NCAM1: variants seen among roughly 807,000 people sequenced by gnomAD.
NCAM1 encodes antigen recognized by monoclonal antibody 5.1H11.
In NCAM1, 14 loss-of-function variants were observed where a neutral mutation model predicts 109.8. The ratio of observed to expected loss-of-function variants is 0.13; its 90% CI spans 0.08 to 0.20. The LOEUF (loss-of-function observed/expected upper bound fraction) is 0.20, where lower values mean the gene tolerates loss of function less well. Among genes scored for constraint, NCAM1 ranks in the 10% least tolerant of loss-of-function variants. NCAM1 has a pLI of 1.00. For missense variants in NCAM1, 774 were observed against 1,109.9 expected (o/e 0.70, Z 4.30); for synonymous variants, 418 against 442.9 (o/e 0.94, Z 0.70).
At position 113,231,639 on chromosome 11, in the gene NCAM1, C is replaced by T. The variant is rs374976317; in HGVS notation, c.1090-6C>T. ...GACATGCTCCCTTCCCCCCCACCCC[C>T]GGCAGACTCTGGATGGGCACATGGT... is the stretch of plus-strand genomic sequence containing the variant. On this transcript the variant is annotated splice_polypyrimidine_tract_variant and splice_region_variant and intron_variant, in intron 9 of 19. Transcript: ENST00000316851. The T allele has an allele frequency of 9.9e-5, 159 of 1,613,214 alleles. No individual in the cohort carries two copies. The highest frequency in any genetic ancestry group is 4.5e-4 in the Admixed American group (27 of 59,990).
Position 113,277,281 on chromosome 11 carries a change from A to AAT in NCAM1, c.*1895_*1896dup. On this transcript the variant is annotated 3_prime_UTR_variant, in exon 20 of 20. Transcript: ENST00000316851. The stretch of plus-strand genomic sequence containing the variant: ...CTGATCAGTGGCGATGCTAGATTAT[A>AAT]ATTTCAAACTGTGAAGAATAATGGT... The AAT allele has an allele frequency of 2.5e-6, 1 of 399,040 alleles. No homozygotes were observed. The highest frequency in any genetic ancestry group is 1.3e-4 in the South Asian group (1 of 7,854). The allele number at this position is 399,040 out of a possible 1,614,324, so 24.7% of individuals were successfully genotyped here. A position where few individuals can be genotyped will look rare whatever the true frequency, so the allele number is the denominator to read the frequency against.
chr11:113,241,703 G>T (rs1945331831), intron 14 of NCAM1, among the ~76,000 whole-genome samples: 2 of 152,190 alleles, frequency 1.3e-5, no homozygotes, highest in South Asian at 4.1e-4. Context: ...TTGGAGTTTT[G>T]AACCTAGCTT....
chr11:113,072,077 G>A (rs1938296568), intron 1 of NCAM1, among the ~76,000 whole-genome samples: 1 of 152,124 alleles, frequency 6.6e-6, no homozygotes, highest in Admixed American at 6.5e-5. Context: ...CCTGAAAGAT[G>A]GAGGTTGCAG....
At chr11:113,082,052 G>A (rs74770206) in intron 1 of NCAM1, among the ~76,000 whole-genome samples, 4 of 152,154 alleles carry the variant, frequency 2.6e-5, no homozygotes, top group Admixed American at 2.0e-4. Context: ...TATGTTTAAT[G>A]TGCTGTTTCG....
rs781804578 is a variant in NCAM1, at chr11:113,270,505, G to C, written c.2339+110G>C. On this transcript the variant is annotated intron_variant, in intron 18 of 19. Coordinates refer to ENST00000316851, the MANE Select transcript of NCAM1 (RefSeq NM_181351.5). ...GCTGGTGCCTTTCCTTTCATTGCAC[G>C]TTCTCCATTTGGAACCCTGATGGGG... 3 of 1,038,040 alleles carry C rather than the reference G, an allele frequency of 2.9e-6. No individual in the cohort carries two copies. In the East Asian group the frequency reaches 7.6e-5, roughly 26 times the overall value. 64.3% of individuals were successfully genotyped at this position (1,038,040 alleles called of 1,614,324 possible). A position where few individuals can be genotyped will look rare whatever the true frequency, so the allele number is the denominator to read the frequency against.
intron 15 of NCAM1, among the ~76,000 whole-genome samples, chr11:113,254,333 C>G (rs1555121909): frequency 6.6e-6 from 1 of 152,164 alleles, no homozygotes; most frequent in Non-Finnish European, 1.5e-5. Flanking sequence ...TCTAAGAAAA[C>G]AAATAATAAG....
intron 1 of NCAM1, among the ~76,000 whole-genome samples, chr11:113,134,337 A>G (rs1276544022): frequency 6.6e-6 from 1 of 152,158 alleles, no homozygotes; most frequent in Non-Finnish European, 1.5e-5. Flanking sequence ...TTAAGTCTGA[A>G]TAATATTTCA....
intron 1 of NCAM1, among the ~76,000 whole-genome samples, chr11:113,086,142 T>C (rs1430988089): frequency 6.6e-6 from 1 of 152,222 alleles, no homozygotes; most frequent in African/African-American, 2.4e-5. Flanking sequence ...AAATCTGTTC[T>C]GTTGGTGGTG....
At chr11:113,143,526 T>G (rs1565461083) in intron 1 of NCAM1, among the ~76,000 whole-genome samples, 1 of 152,248 alleles carries the variant, frequency 6.6e-6, no homozygotes, top group Non-Finnish European at 1.5e-5. Context: ...AGTACTTTGA[T>G]GCTGTTGTAT....
At chr11:113,081,439 G>A (rs1228481484) in intron 1 of NCAM1, among the ~76,000 whole-genome samples, 1 of 152,232 alleles carries the variant, frequency 6.6e-6, no homozygotes, top group African/African-American at 2.4e-5. Flanking sequence ...AACATGCTGG[G>A]CAGAAAGGCA....
rs782389477 is a variant in NCAM1, at chr11:113,262,965, T to C, written c.2131+2642T>C. Reference sequence around the variant, plus strand: ...AAATTAAATTTGCTTAAAAGCCCAGTTCCTATGAAAAAGATCAGTGCCCCC... The same window carrying C: ...AAATTAAATTTGCTTAAAAGCCCAGCTCCTATGAAAAAGATCAGTGCCCCC... On this transcript the variant is annotated intron_variant, in intron 17 of 19. Transcript: ENST00000316851. 28 of 1,597,724 alleles carry C rather than the reference T, an allele frequency of 1.8e-5. No individual in the cohort carries two copies. The African/African-American group carries it at 3.5e-4, about 20-fold the overall frequency.
chr11:113,235,748 T>C (rs1945147960), intron 14 of NCAM1, among the ~76,000 whole-genome samples: 2 of 152,220 alleles, frequency 1.3e-5, no homozygotes, highest in Admixed American at 6.5e-5. Context: ...TCACGGCCTC[T>C]TTCAAGAGAA....
At chr11:112,984,519 T>C (rs547269806) in intron 1 of NCAM1, among the ~76,000 whole-genome samples, 1 of 152,116 alleles carries the variant, frequency 6.6e-6, no homozygotes, top group African/African-American at 2.4e-5. Flanking sequence ...ACCAACAGTG[T>C]ACAAGGGTTC....
At chr11:113,210,588 G>A (rs1000382917) in intron 7 of NCAM1, among the ~76,000 whole-genome samples, 6 of 152,070 alleles carry the variant, frequency 3.9e-5, no homozygotes, top group African/African-American at 9.7e-5. Flanking sequence ...AACAGATCTC[G>A]GCTTCTCTTC....
At chr11:113,038,012 G>T (rs1483458394) in intron 1 of NCAM1, among the ~76,000 whole-genome samples, 1 of 152,182 alleles carries the variant, frequency 6.6e-6, no homozygotes, top group African/African-American at 2.4e-5. Flanking sequence ...CCTGCGGGTG[G>T]GGAGCACCAC....
chr11:113,184,890 T>C (rs1031353260), intron 1 of NCAM1, among the ~76,000 whole-genome samples: 1 of 151,940 alleles, frequency 6.6e-6, no homozygotes, highest in African/African-American at 2.4e-5. Context: ...TTATATTATA[T>C]CCATTTTGAT....
chr11:113,057,718 A>C (rs1458158900), intron 1 of NCAM1, among the ~76,000 whole-genome samples: 1 of 152,198 alleles, frequency 6.6e-6, no homozygotes, highest in Non-Finnish European at 1.5e-5. Flanking sequence ...TCCTAGCATG[A>C]GTAACTGGGC....
chr11:112,987,217 T>G (rs1435893525), intron 1 of NCAM1, among the ~76,000 whole-genome samples: 1 of 152,170 alleles, frequency 6.6e-6, no homozygotes, highest in Non-Finnish European at 1.5e-5. Context: ...ATTCCTCCTG[T>G]TTTTGATTTC....
intron 1 of NCAM1, among the ~76,000 whole-genome samples, chr11:113,200,518 T>C (rs1354201318): frequency 6.6e-6 from 1 of 152,128 alleles, no homozygotes; most frequent in Non-Finnish European, 1.5e-5. Context: ...AGGGGCAGCA[T>C]TGCATCATGG....
Sources: allele counts gnomAD v4.1 joint callset (sites outside exome capture counted in the v4.1 genomes callset), GRCh38; gene constraint gnomAD v4.1.1; transcripts MANE v1.5; gene names NCBI Gene and HGNC (gene_info 2026-07-23, HGNC 2026-07-21).